The following TTLL9 variants were observed in gnomAD, a reference collection of about 807,000 sequenced individuals.
The protein encoded by TTLL9 is probable tubulin polyglutamylase TTLL9.
TTLL9 carries 47 observed loss-of-function variants against 65.6 expected under a neutral mutation model. That is an observed-to-expected ratio of 0.72 (90% confidence interval 0.57 to 0.91). The LOEUF is 0.91. TTLL9 is among the 40% of genes least tolerant of loss of function. TTLL9 has a pLI of 0.00. For synonymous variants in TTLL9, 179 were observed against 204.8 expected, an observed-to-expected ratio of 0.87 and a Z score of 1.07; for missense variants, 537 against 568.8, an observed-to-expected ratio of 0.94 and a Z score of 0.57.
chr20:31,911,444 T>C (rs1023257297), intron 6 of TTLL9, among the ~76,000 whole-genome samples: 1 of 152,168 alleles, frequency 6.6e-6, no homozygotes, highest in Admixed American at 6.5e-5. Flanking sequence ...ATTTAGCCAA[T>C]AACACAGGTG....
chr20:31,919,841 T>C, intron 6 of TTLL9, 23 bp from the exon 7 acceptor site: 4 of 1,452,462 alleles, frequency 2.8e-6, no homozygotes, highest in Non-Finnish European at 2.8e-6. Flanking sequence ...AAGAGCTGGC[T>C]TTCTGCCCCC....
chr20:31,924,869 G>A lies in TTLL9; in HGVS notation c.665-140G>A, dbSNP rs187100568. 289 of 915,724 alleles carry A rather than the reference G, an allele frequency of 3.2e-4. 1 individual carries two copies. In the East Asian group the frequency reaches 7.1e-3, roughly 23 times the overall value. The allele number at this position is 915,724 out of a possible 1,614,324, so 56.7% of individuals were successfully genotyped here. A position where few individuals can be genotyped will look rare whatever the true frequency, so the allele number is the denominator to read the frequency against. ...TGGGATCACAGGCATGAGGCACCGCGCCTAGCCCCTTGTGTAGTTTCAGCA... is the reference window on the plus strand; with the variant it reads ...TGGGATCACAGGCATGAGGCACCGCACCTAGCCCCTTGTGTAGTTTCAGCA... On this transcript the variant is annotated intron_variant, in intron 8 of 14. Coordinates refer to ENST00000535842, the MANE Select transcript of TTLL9 (RefSeq NM_001008409.5).
intron 2 of TTLL9, among the ~76,000 whole-genome samples, chr20:31,873,821 G>GAAGAAAGAAAGAAAAAGAAA (rs2062992271): frequency 3.1e-5 from 3 of 95,982 alleles, no homozygotes; most frequent in African/African-American, 1.2e-4. Flanking sequence ...AGGAAGGAAG[G>GAAGAAAGAAAGAAAAAGAAA]AAGAAAGAAA....
At chr20:31,942,368 T>C (rs1007952257) in intron 14 of TTLL9, among the ~76,000 whole-genome samples, 2 of 152,094 alleles carry the variant, frequency 1.3e-5, no homozygotes, top group Admixed American at 6.5e-5. Flanking sequence ...CTGCCTGGGA[T>C]TGGGGGCCAC....
At chr20:31,895,681 C>A (rs1199511660) in intron 3 of TTLL9, among the ~76,000 whole-genome samples, 1 of 151,980 alleles carries the variant, frequency 6.6e-6, no homozygotes. Context: ...GGATTACAGG[C>A]ACATGCCACC....
At chr20:31,942,897 T>C in intron 14 of TTLL9, 48 bp from the exon 15 acceptor site, 1 of 1,601,240 alleles carries the variant, frequency 6.2e-7, no homozygotes, top group Non-Finnish European at 8.6e-7. Flanking sequence ...GCCCCTCCAC[T>C]CCTCCCAAGC....
chr20:31,921,714 A>G (rs967809011), intron 7 of TTLL9, among the ~76,000 whole-genome samples: 11 of 152,146 alleles, frequency 7.2e-5, no homozygotes, highest in Non-Finnish European at 1.0e-4. Flanking sequence ...TCAGCAAACT[A>G]TTGCAAGGAC....
intron 3 of TTLL9, among the ~76,000 whole-genome samples, chr20:31,894,853 G>T (rs971603281): frequency 6.6e-6 from 1 of 152,138 alleles, no homozygotes; most frequent in African/African-American, 2.4e-5. Flanking sequence ...GGGTTGGGCT[G>T]CAGCTTTAAT....
chr20:31,899,061 A>G (rs2063431306), intron 4 of TTLL9, among the ~76,000 whole-genome samples: 1 of 152,244 alleles, frequency 6.6e-6, no homozygotes, highest in South Asian at 2.1e-4. Context: ...TGCCTGGCAC[A>G]GAGTAGGTGC....
In TTLL9 at chr20:31,882,625, T is replaced by A. The variant is rs554376609; in HGVS notation, c.70-4571T>A. Among the ~76,000 whole-genome samples the A allele has an allele frequency of 1.9e-3, 296 of 152,238 alleles. 2 individuals carry two copies. Among genetic ancestry groups the A allele is most frequent in the African/African-American group, 6.9e-3 (288 of 41,526 alleles). On this transcript the variant is annotated intron_variant, in intron 2 of 14. Coordinates refer to ENST00000535842, the MANE Select transcript of TTLL9 (RefSeq NM_001008409.5). ...AATCATTTTCTCAATAAGATAATTT[T>A]TTAAAAAAAAACTCTTGTAGCCTTG...
At chr20:31,937,563 C>A in intron 13 of TTLL9, 54 bp downstream of exon 13, 1 of 1,455,460 alleles carries the variant, frequency 6.9e-7, no homozygotes, top group South Asian at 1.2e-5. Context: ...CTGAGGCTCC[C>A]ACCAAGGAAG....
intron 4 of TTLL9, among the ~76,000 whole-genome samples, chr20:31,900,795 G>A (rs2063467004): frequency 6.6e-6 from 1 of 152,158 alleles, no homozygotes; most frequent in South Asian, 2.1e-4. Context: ...TGGGGGTGGT[G>A]TAGGGGAGAG....
chr20:31,933,673 TCA>T, intron 10 of TTLL9, 125 bp from the exon 11 acceptor site: 1 of 839,102 alleles, frequency 1.2e-6, no homozygotes, highest in Non-Finnish European at 1.8e-6. Context: ...ACTCCAAAGC[TCA>T]CACACACGAC....
At chr20:31,938,439 A>ACATT (rs1001403962) in intron 13 of TTLL9, among the ~76,000 whole-genome samples, 14 of 152,084 alleles carry the variant, frequency 9.2e-5, no homozygotes, top group African/African-American at 3.4e-4. Context: ...TCCTACCATC[A>ACATT]CCTATTCATT....
At chr20:31,907,937 C>G (rs149804142) in intron 4 of TTLL9, among the ~76,000 whole-genome samples, 13 of 152,274 alleles carry the variant, frequency 8.5e-5, no homozygotes, top group Non-Finnish European at 1.6e-4. Flanking sequence ...CCTCCCCGCA[C>G]CCCAGCTCTG....
intron 2 of TTLL9, among the ~76,000 whole-genome samples, chr20:31,886,683 G>A (rs1025014349): frequency 6.6e-6 from 1 of 152,156 alleles, no homozygotes; most frequent in Non-Finnish European, 1.5e-5. Context: ...GCTGGGTGTG[G>A]TGGTGGGTGC....
At chr20:31,925,881 G>C (rs370673456) in intron 9 of TTLL9, 168 bp from the exon 10 acceptor site, 11 of 1,551,258 alleles carry the variant, frequency 7.1e-6, no homozygotes, top group Non-Finnish European at 8.7e-6. Flanking sequence ...AGTACATCCC[G>C]CTGCGGGCCT....
rs1054088220 is a variant in TTLL9 at position 31,887,001 on chromosome 20, A to G, written c.70-195A>G. Among the ~76,000 whole-genome samples the G allele has an allele frequency of 7.2e-5, 11 of 152,220 alleles. 1 individual carries two copies. The highest frequency in any genetic ancestry group is 1.6e-4 in the Non-Finnish European group (11 of 68,040). On this transcript the variant is annotated intron_variant, in intron 2 of 14. Coordinates refer to ENST00000535842, the MANE Select transcript of TTLL9 (RefSeq NM_001008409.5). ...CTTGGATACTTGGGAGTTCATTCAC[A>G]GCAGATAAATTCTGGTCCATTTGCT...
intron 3 of TTLL9, among the ~76,000 whole-genome samples, chr20:31,888,272 C>T (rs1568747988): frequency 6.6e-6 from 1 of 152,126 alleles, no homozygotes; most frequent in Non-Finnish European, 1.5e-5. Flanking sequence ...TCATGCAGTG[C>T]CCATCTTCTT....
Sources: gnomAD v4.1 joint callset for allele counts (sites outside exome capture counted in the v4.1 genomes callset) on GRCh38, gnomAD v4.1.1 for gene constraint, MANE v1.5 for transcripts, NCBI Gene and HGNC (gene_info 2026-07-23, HGNC 2026-07-21) for gene names.